Variants in PRKN observed in about 807,000 individuals in gnomAD.
The protein encoded by PRKN is parkin RBR E3 ubiquitin protein ligase, also known as E3 ubiquitin-protein ligase parkin.
PRKN carries 56 observed loss-of-function variants against 59.5 expected under a neutral mutation model. That is an observed-to-expected ratio of 0.94 (90% CI 0.76 to 1.18). The LOEUF (loss-of-function observed/expected upper bound fraction) is 1.18. Ranked by LOEUF, PRKN falls within the 50% of genes most tolerant of loss-of-function variation. The probability of loss-of-function intolerance (pLI) is 0.00; values close to 1 mark genes in which losing one functional copy is unlikely to be tolerated. For synonymous variants in PRKN, 250 were observed against 222.1 expected, an observed-to-expected ratio of 1.13 and a Z score of -1.12; for missense variants, 657 against 596.4, an observed-to-expected ratio of 1.10 and a Z score of -1.06.
chr6:162,617,440 C>T (rs1036360922), intron 1 of PRKN, among the ~76,000 whole-genome samples: 4 of 152,246 alleles, frequency 2.6e-5, no homozygotes, highest in South Asian at 2.1e-4. Flanking sequence ...CCATGTTGGC[C>T]AGGCTGGTCT....
At chr6:161,685,465 C>T (rs996086840) in intron 7 of PRKN, among the ~76,000 whole-genome samples, 1 of 152,158 alleles carries the variant, frequency 6.6e-6, no homozygotes, top group Non-Finnish European at 1.5e-5. Flanking sequence ...CTGGCTAAGC[C>T]CTTTTCAGAC....
chr6:161,868,053 G>A (rs993807423), intron 6 of PRKN, among the ~76,000 whole-genome samples: 1 of 151,650 alleles, frequency 6.6e-6, no homozygotes, highest in Non-Finnish European at 1.5e-5. Context: ...GAGCCATTGC[G>A]CCTGGCCAAA....
At chr6:161,753,394 C>A (rs1368692020) in intron 7 of PRKN, among the ~76,000 whole-genome samples, 1 of 151,878 alleles carries the variant, frequency 6.6e-6, no homozygotes, top group Non-Finnish European at 1.5e-5. Flanking sequence ...AGTGGAATAT[C>A]CCAGTGGGAT....
At chr6:161,724,150 G>A (rs1452811169) in intron 7 of PRKN, among the ~76,000 whole-genome samples, 6 of 152,150 alleles carry the variant, frequency 3.9e-5, no homozygotes, top group South Asian at 4.1e-4. Flanking sequence ...CTGAAAGGAC[G>A]GGCACATGGA....
intron 7 of PRKN, among the ~76,000 whole-genome samples, chr6:161,625,612 C>T (rs922694625): frequency 6.6e-6 from 1 of 152,170 alleles, no homozygotes; most frequent in Non-Finnish European, 1.5e-5. Flanking sequence ...ATTATTTCTT[C>T]TGCATATAAC....
At chr6:162,382,828 CT>C (rs1234255461) in intron 2 of PRKN, among the ~76,000 whole-genome samples, 3 of 152,228 alleles carry the variant, frequency 2.0e-5, no homozygotes, top group African/African-American at 7.2e-5. Context: ...CTCAAAGCCA[CT>C]GCTTTATCAG....
At chr6:162,618,298 A>T (rs1782513820) in intron 1 of PRKN, among the ~76,000 whole-genome samples, 1 of 152,174 alleles carries the variant, frequency 6.6e-6, no homozygotes, top group African/African-American at 2.4e-5. Flanking sequence ...CTATCTGGCA[A>T]CTGCCAAAAT....
At chr6:161,601,762 T>G (rs1014310190) in intron 7 of PRKN, among the ~76,000 whole-genome samples, 2 of 152,058 alleles carry the variant, frequency 1.3e-5, no homozygotes, top group Admixed American at 1.3e-4. Flanking sequence ...TTTTGTATTT[T>G]TAGTAGAGAC....
At chr6:162,453,952 T>C (rs1790745292) in intron 1 of PRKN, among the ~76,000 whole-genome samples, 1 of 152,010 alleles carries the variant, frequency 6.6e-6, no homozygotes. Flanking sequence ...GCAAAACTCT[T>C]TGGGGAAGGA....
intron 5 of PRKN, among the ~76,000 whole-genome samples, chr6:161,978,138 C>T (rs1781125204): frequency 6.6e-6 from 1 of 151,982 alleles, no homozygotes; most frequent in Non-Finnish European, 1.5e-5. Flanking sequence ...CAACCTCTGC[C>T]TCCCAGGTTC....
In PRKN at chr6:161,533,707, C is replaced by CT. The variant is rs907140596; in HGVS notation, c.1083+15146dup. On this transcript the variant is annotated intron_variant, in intron 9 of 11. Coordinates refer to ENST00000366898, the MANE Select transcript of PRKN (RefSeq NM_004562.3). The surrounding 1 kb of genome is among the most constrained non-coding windows in gnomAD (Gnocchi z 4.1). The stretch of plus-strand genomic sequence containing the variant: ...TCTGCTGGGATCTGCCACCTTAACC[C>CT]TTTTTTTCAGACATCTCTCTCTCTT... Among the ~76,000 whole-genome samples the CT allele has an allele frequency of 1.3e-5, 2 of 152,094 alleles. No individual in the cohort carries two copies. Among genetic ancestry groups the CT allele is most frequent in the Non-Finnish European group, 2.9e-5 (2 of 68,030 alleles).
chr6:161,376,410 A>G lies in PRKN; in HGVS notation c.1167+10384T>C, dbSNP rs1483185734. Among the ~76,000 whole-genome samples the G allele has an allele frequency of 6.6e-6, 1 of 152,132 alleles. No individual in the cohort carries two copies. Among genetic ancestry groups the G allele is most frequent in the African/African-American group, 2.4e-5 (1 of 41,418 alleles). On this transcript the variant is annotated intron_variant, in intron 10 of 11. Coordinates refer to ENST00000366898, the MANE Select transcript of PRKN (RefSeq NM_004562.3). This position sits in a 1 kb window ranked among gnomAD's most constrained non-coding sequence, Gnocchi z 7.3. ...TTGTTTCTGTCTCCTCTTCCAGCCA[A>G]TGGCACCACCATCGTTCTAAGCTAG... is the stretch of plus-strand genomic sequence containing the variant.
intron 9 of PRKN, among the ~76,000 whole-genome samples, chr6:161,539,235 T>C (rs1400594135): frequency 2.6e-5 from 4 of 152,252 alleles, no homozygotes; most frequent in Admixed American, 2.6e-4. Context: ...CTGATTTGCA[T>C]TGGCTGCTCA....
chr6:161,531,282 G>A (rs181572346), intron 9 of PRKN, among the ~76,000 whole-genome samples: 31 of 151,950 alleles, frequency 2.0e-4, no homozygotes, highest in African/African-American at 7.2e-4. Flanking sequence ...TCGGGAGGCT[G>A]AGGGAGGAGA....
intron 6 of PRKN, among the ~76,000 whole-genome samples, chr6:161,835,376 T>C (rs888598857): frequency 6.6e-6 from 1 of 152,084 alleles, no homozygotes; most frequent in Non-Finnish European, 1.5e-5. Flanking sequence ...CCACACCCCC[T>C]GGGAAACGTG....
chr6:162,201,009 C>T, intron 4 of PRKN, 122 bp downstream of exon 4: 1 of 1,127,316 alleles, frequency 8.9e-7, no homozygotes, highest in Non-Finnish European at 1.3e-6. Context: ...CTATCACAAC[C>T]ACAGAAGAGA....
At chr6:162,343,039 A>T (rs961894689) in intron 2 of PRKN, among the ~76,000 whole-genome samples, 1 of 152,186 alleles carries the variant, frequency 6.6e-6, no homozygotes, top group African/African-American at 2.4e-5. Context: ...CTTAATGTTG[A>T]CAAGTAGAAG....
chr6:161,821,091 A>G (rs1792004070), intron 6 of PRKN, among the ~76,000 whole-genome samples: 1 of 152,146 alleles, frequency 6.6e-6, no homozygotes, highest in Non-Finnish European at 1.5e-5. Context: ...TGTGTATTAT[A>G]TGTTTTCATT....
At chr6:161,979,753 C>T (rs1018823749) in intron 5 of PRKN, among the ~76,000 whole-genome samples, 2 of 152,104 alleles carry the variant, frequency 1.3e-5, no homozygotes, top group African/African-American at 2.4e-5. Flanking sequence ...GCCTGACCCT[C>T]CAAATCACAT....
Sources: gnomAD v4.1 joint callset for allele counts (sites outside exome capture counted in the v4.1 genomes callset) on GRCh38, gnomAD v4.1.1 for gene constraint, Gnocchi (gnomAD v3.1) non-coding constraint, MANE v1.5 for transcripts, NCBI Gene and HGNC (gene_info 2026-07-23, HGNC 2026-07-21) for gene names.